The following PLXDC1 variants were observed in gnomAD, a reference collection of about 807,000 sequenced individuals.
PLXDC1 encodes plexin domain-containing protein 1.
In PLXDC1, 39 loss-of-function variants were observed where a neutral mutation model predicts 61.3. The ratio of observed to expected loss-of-function variants is 0.64; its 90% CI spans 0.49 to 0.83. The LOEUF (loss-of-function observed/expected upper bound fraction) is 0.83, where lower values mean the gene tolerates loss of function less well. PLXDC1 is among the 40% of genes least tolerant of loss of function. PLXDC1 has a pLI of 0.00. For missense variants in PLXDC1, 596 were observed against 666.5 expected (o/e 0.89, Z 1.17); for synonymous variants, 212 against 254.5 (o/e 0.83, Z 1.59).
intron 8 of PLXDC1, among the ~76,000 whole-genome samples, chr17:39,085,841 C>T (rs924269585): frequency 6.6e-6 from 1 of 152,144 alleles, no homozygotes; most frequent in Non-Finnish European, 1.5e-5. Context: ...ATAGCATTAC[C>T]CCTCCTTCAC....
intron 7 of PLXDC1, among the ~76,000 whole-genome samples, chr17:39,092,546 T>G (rs12938414): frequency 0.33 from 50,580 of 152,098 alleles, 8,904 homozygotes; most frequent in Admixed American, 0.44. Context: ...AGCACTCTGT[T>G]AGCTCGCAGC....
At chr17:39,085,356 G>A (rs1443865035) in intron 8 of PLXDC1, among the ~76,000 whole-genome samples, 1 of 152,256 alleles carries the variant, frequency 6.6e-6, no homozygotes, top group Non-Finnish European at 1.5e-5. Context: ...GCTGCCCTGT[G>A]CAGGAGGATG....
chr17:39,088,309 C>T (rs1270605127), intron 7 of PLXDC1, among the ~76,000 whole-genome samples: 1 of 152,202 alleles, frequency 6.6e-6, no homozygotes, highest in Non-Finnish European at 1.5e-5. Flanking sequence ...TGGACAAATC[C>T]CCCAGCAAGG....
rs1003783519 is a variant in PLXDC1, at chr17:39,072,450, C to T, written c.1222G>A (p.Gly408Ser). 12 of 1,552,826 alleles carry T rather than the reference C, an allele frequency of 7.7e-6. No individual in the cohort carries two copies. Among genetic ancestry groups the T allele is most frequent in the South Asian group, 2.4e-5 (2 of 84,462 alleles). Residue 408 changes from glycine (G) to serine (S), a missense_variant and splice_region_variant, in exon 12 of 14, where the codon GGC becomes AGC. Physicochemically the swap from Gly to Ser is moderately conservative, Grantham distance 56. Coordinates refer to ENST00000315392, the MANE Select transcript of PLXDC1 (RefSeq NM_020405.5). ...TGAGGGCAGGCAGTTCTGTACTCAC[C>T]GTCTCCTCCTGCATAGGGATTCAAC... ...TKLNPYAGGD[G>S]LQNNLSPKTK...
In PLXDC1 at chr17:39,108,256, A is replaced by G; in HGVS notation, c.470-11T>C. ...CCATGAAGATGAAGCCTAGGGTGGG[A>G]GAGGTGCAGAGGAGTCACCAGAAAT... On this transcript the variant is annotated splice_polypyrimidine_tract_variant and intron_variant, in intron 4 of 13. Transcript: ENST00000315392. 1.9e-6 allele frequency: 3 copies of G among 1,613,480 alleles called. No homozygotes were observed. The highest frequency in any genetic ancestry group is 2.5e-6 in the Non-Finnish European group (3 of 1,179,970).
chr17:39,067,922 C>G lies in PLXDC1; in HGVS notation c.1421G>C (p.Ser474Thr). The G allele has an allele frequency of 2.5e-6, 4 of 1,614,006 alleles. No individual in the cohort carries two copies. Among genetic ancestry groups the G allele is most frequent in the Non-Finnish European group, 3.4e-6 (4 of 1,179,878 alleles). Reference sequence around the variant, plus strand: ...CGCATAGGTGGAATGGTCAGGGTGGCTGCGAAACTTCATGGCTGGCCAGTG... The same window carrying G: ...CGCATAGGTGGAATGGTCAGGGTGGGTGCGAAACTTCATGGCTGGCCAGTG... ...PHHWPAMKFR[S>T]HPDHSTYAEV... The change falls in exon 14 of 14, where the codon AGC becomes ACC. Residue 474 changes from serine (S) to threonine (T), a missense_variant. Physicochemically the swap from Ser to Thr is moderately conservative, Grantham distance 58. Coordinates refer to ENST00000315392, the MANE Select transcript of PLXDC1 (RefSeq NM_020405.5).
chr17:39,147,273 T>G (rs1483421481), intron 1 of PLXDC1, among the ~76,000 whole-genome samples: 1 of 152,178 alleles, frequency 6.6e-6, no homozygotes, highest in Non-Finnish European at 1.5e-5. Context: ...TGATTTAACA[T>G]GAGAATGCAG....
chr17:39,129,098 A>G (rs1312765148), intron 2 of PLXDC1, among the ~76,000 whole-genome samples: 1 of 152,002 alleles, frequency 6.6e-6, no homozygotes, highest in Admixed American at 6.6e-5. Context: ...CAGGTGGATC[A>G]CTTGAGGCCA....
chr17:39,130,771 G>A (rs922075177), intron 2 of PLXDC1, among the ~76,000 whole-genome samples: 15 of 151,844 alleles, frequency 9.9e-5, no homozygotes, highest in Admixed American at 2.6e-4. Context: ...CACGTTGGCC[G>A]GGTTGGTCTC....
In PLXDC1 at chr17:39,067,722, C is replaced by T. The variant is rs1908948628; in HGVS notation, c.*118G>A. ...CGAGCAGCAGCTCTGGAGCCATAAA[C>T]CACCATCTCATCTCAGCCCAGGGCA... On this transcript the variant is annotated 3_prime_UTR_variant, in exon 14 of 14. Transcript: ENST00000315392. 4 of 1,010,842 alleles carry T rather than the reference C, an allele frequency of 4.0e-6. No individual in the cohort carries two copies. In the East Asian group the frequency reaches 7.3e-5, roughly 19 times the overall value. The allele number at this position is 1,010,842 out of a possible 1,614,324, so 62.6% of individuals were successfully genotyped here.
intron 2 of PLXDC1, among the ~76,000 whole-genome samples, chr17:39,115,459 G>A (rs1053552335): frequency 2.0e-5 from 3 of 152,220 alleles, no homozygotes; most frequent in African/African-American, 7.2e-5. Context: ...ATCTGCTGCA[G>A]GTCCCAAACA....
chr17:39,068,196 T>A (rs1235313829), intron 13 of PLXDC1, among the ~76,000 whole-genome samples: 1 of 152,210 alleles, frequency 6.6e-6, no homozygotes, highest in African/African-American at 2.4e-5. Context: ...GGACACTTTA[T>A]CCTTCACTGT....
At chr17:39,123,310 C>T (rs1911222009) in intron 2 of PLXDC1, among the ~76,000 whole-genome samples, 1 of 152,204 alleles carries the variant, frequency 6.6e-6, no homozygotes, top group South Asian at 2.1e-4. Flanking sequence ...ACTGCCTCAG[C>T]CTCCCAAGTA....
intron 7 of PLXDC1, among the ~76,000 whole-genome samples, chr17:39,088,963 A>G (rs372759363): frequency 0.19 from 21,958 of 117,210 alleles, 1,175 homozygotes; most frequent in Middle Eastern, 0.27. Flanking sequence ...AAAAAAAAAA[A>G]AGAGAGAGAG....
chr17:39,126,814 C>T (rs1164951700), intron 2 of PLXDC1: 1 of 152,178 alleles, frequency 6.6e-6, no homozygotes, highest in Non-Finnish European at 1.5e-5. Flanking sequence ...ATCAGTGGTG[C>T]CCCCAGCTGG....
At chr17:39,091,611 G>A (rs1277626620) in intron 7 of PLXDC1, among the ~76,000 whole-genome samples, 1 of 152,138 alleles carries the variant, frequency 6.6e-6, no homozygotes, top group Non-Finnish European at 1.5e-5. Context: ...TGGGCTTTAT[G>A]AGAGAGGAGA....
In PLXDC1 at chr17:39,132,790, G is replaced by C. The variant is rs571804853; in HGVS notation, c.255+6864C>G. ...AGGAGGGTTACTGAGGAACGATGGA[G>C]GAAGGTGATGGGGCACTGGGGTTTG... On this transcript the variant is annotated intron_variant, in intron 2 of 13. Coordinates refer to ENST00000315392, the MANE Select transcript of PLXDC1 (RefSeq NM_020405.5). Among the ~76,000 whole-genome samples the C allele has an allele frequency of 5.9e-5, 9 of 152,250 alleles. No homozygotes were observed. The East Asian group carries it at 1.7e-3, about 29-fold the overall frequency.
At chr17:39,098,866 G>C (rs1331963639) in intron 7 of PLXDC1, among the ~76,000 whole-genome samples, 1 of 152,198 alleles carries the variant, frequency 6.6e-6, no homozygotes, top group Non-Finnish European at 1.5e-5. Flanking sequence ...CCCAGGCAGA[G>C]GGCGGTGAGC....
chr17:39,084,626 C>T (rs531176149), intron 8 of PLXDC1, among the ~76,000 whole-genome samples: 3 of 152,190 alleles, frequency 2.0e-5, no homozygotes, highest in African/African-American at 4.8e-5. Flanking sequence ...ACGGCCCAGA[C>T]GTGATCCCAG....
Sources: gnomAD v4.1 joint callset for allele counts (sites outside exome capture counted in the v4.1 genomes callset) on GRCh38, gnomAD v4.1.1 for gene constraint, MANE v1.5 for transcripts, NCBI Gene and HGNC (gene_info 2026-07-23, HGNC 2026-07-21) for gene names.